The following PRIM2 variants were observed in gnomAD, a reference collection of about 807,000 sequenced individuals.
PRIM2 encodes the protein DNA primase subunit 2.
Under a neutral mutation model 67.3 loss-of-function variants are expected in PRIM2, and 39 were observed. The ratio of observed to expected loss-of-function variants is 0.58; its 90% CI spans 0.45 to 0.76. The LOEUF is 0.76. Ranked by LOEUF, PRIM2 falls within the 30% of genes least tolerant of loss-of-function variation. The pLI, the probability that PRIM2 is intolerant of heterozygous loss-of-function variation, is 0.00. For missense variants in PRIM2, 398 were observed against 598.7 expected, an observed-to-expected ratio of 0.66 and a Z score of 3.50; for synonymous variants, 143 against 198.7, an observed-to-expected ratio of 0.72 and a Z score of 2.36.
the PRIM2 span, among the ~76,000 whole-genome samples, chr6:57,226,570 T>G: frequency 6.6e-6 from 1 of 152,176 alleles, no homozygotes; most frequent in African/African-American, 2.4e-5. Flanking sequence ...ATTAGGTAAT[T>G]TGGATTATAT....
intron 7 of PRIM2, among the ~76,000 whole-genome samples, chr6:57,450,553 T>C (rs1478216105): frequency 6.6e-6 from 1 of 152,236 alleles, no homozygotes; most frequent in Non-Finnish European, 1.5e-5. Flanking sequence ...TTCAGTATGC[T>C]CTTGAGCTTC....
the PRIM2 span, among the ~76,000 whole-genome samples, chr6:57,305,012 T>G: frequency 2.0e-5 from 3 of 152,334 alleles, no homozygotes; most frequent in East Asian, 3.9e-4. Context: ...CTCTCAACAT[T>G]GATCTTCAAG....
intron 12 of PRIM2, among the ~76,000 whole-genome samples, chr6:57,624,075 G>A (rs1776903713): frequency 6.6e-6 from 1 of 152,060 alleles, no homozygotes; most frequent in South Asian, 2.1e-4. Context: ...AGATCATAGA[G>A]CATAGTGATT....
At chr6:57,489,230 A>G (rs1446720963) in intron 7 of PRIM2, among the ~76,000 whole-genome samples, 1 of 152,366 alleles carries the variant, frequency 6.6e-6, no homozygotes, top group South Asian at 2.1e-4. Context: ...ATTTGTTTGC[A>G]TTTTTAAGAG....
chr6:57,442,928 C>T (rs1160773604), intron 7 of PRIM2, among the ~76,000 whole-genome samples: 4 of 152,094 alleles, frequency 2.6e-5, no homozygotes, highest in Non-Finnish European at 5.9e-5. Flanking sequence ...TCATCATCTC[C>T]TTATAACTCC....
At chr6:57,474,225 A>C (rs1773415085) in intron 7 of PRIM2, among the ~76,000 whole-genome samples, 1 of 78,342 alleles carries the variant, frequency 1.3e-5, no homozygotes, top group African/African-American at 6.2e-5. Flanking sequence ...CCCAGGCTGG[A>C]GTGCAGTGGC....
chr6:57,274,315 G>A, the PRIM2 span, among the ~76,000 whole-genome samples: 2 of 151,960 alleles, frequency 1.3e-5, no homozygotes, highest in Non-Finnish European at 1.5e-5. Flanking sequence ...ACCTAATCAA[G>A]TCTCGGCAAT....
At chr6:57,565,747 G>A (rs1581993552) in intron 10 of PRIM2, among the ~76,000 whole-genome samples, 1 of 151,962 alleles carries the variant, frequency 6.6e-6, no homozygotes, top group Non-Finnish European at 1.5e-5. Flanking sequence ...TAGTCAAGTT[G>A]GCATGTGAAA....
chr6:57,429,010 T>C (rs1196502979), intron 7 of PRIM2, among the ~76,000 whole-genome samples: 2 of 152,250 alleles, frequency 1.3e-5, no homozygotes, highest in Non-Finnish European at 2.9e-5. Context: ...TTTTTCATGC[T>C]ATTCCTTTAT....
intron 5 of PRIM2, among the ~76,000 whole-genome samples, chr6:57,358,476 G>T (rs1049891669): frequency 1.3e-5 from 2 of 152,114 alleles, no homozygotes; most frequent in African/African-American, 4.8e-5. Context: ...GTGTATGCTG[G>T]GTGTCAGAAC....
At chr6:57,294,931 C>A in the PRIM2 span, among the ~76,000 whole-genome samples, 1 of 152,000 alleles carries the variant, frequency 6.6e-6, no homozygotes, top group Non-Finnish European at 1.5e-5. Context: ...CTGCCTCAGC[C>A]TCCCCAGTAG....
At chr6:57,237,803 G>A in the PRIM2 span, among the ~76,000 whole-genome samples, 3 of 152,272 alleles carry the variant, frequency 2.0e-5, no homozygotes, top group East Asian at 5.8e-4. Flanking sequence ...GTACCATGCT[G>A]TTTTGGTTAC....
At chr6:57,340,605 A>G (rs1329211347) in intron 5 of PRIM2, among the ~76,000 whole-genome samples, 6 of 152,114 alleles carry the variant, frequency 3.9e-5, no homozygotes, top group Non-Finnish European at 5.9e-5. Flanking sequence ...CTATCACAAG[A>G]ACAAAAAACC....
At chr6:57,333,027 T>G (rs1279774601) in intron 5 of PRIM2, among the ~76,000 whole-genome samples, 1 of 152,192 alleles carries the variant, frequency 6.6e-6, no homozygotes, top group Non-Finnish European at 1.5e-5. Flanking sequence ...TTTTACTGTA[T>G]TTTTTGAGTT....
At chr6:57,351,686 G>C (rs968075140) in intron 5 of PRIM2, among the ~76,000 whole-genome samples, 1 of 152,044 alleles carries the variant, frequency 6.6e-6, no homozygotes, top group Admixed American at 6.6e-5. Flanking sequence ...TAGTATATTT[G>C]ATGTGAAGAT....
At chr6:57,527,833 G>A (rs1297440431) in intron 8 of PRIM2, among the ~76,000 whole-genome samples, 2 of 152,202 alleles carry the variant, frequency 1.3e-5, no homozygotes, top group Non-Finnish European at 2.9e-5. Context: ...GTAGAGGAGA[G>A]ATGTCATTCC....
chr6:57,532,304 A>G (rs1774909176), intron 8 of PRIM2, 107 bp from the exon 9 acceptor site: 1 of 472,312 alleles, frequency 2.1e-6, no homozygotes. Context: ...GTTTACATGT[A>G]AAATGCTTTC....
chr6:57,639,865 T>C (rs1777198988), intron 13 of PRIM2, among the ~76,000 whole-genome samples: 1 of 149,574 alleles, frequency 6.7e-6, no homozygotes, highest in African/African-American at 2.5e-5. Flanking sequence ...AAAGAGGGAG[T>C]CCTCTCTAAC....
the PRIM2 span, among the ~76,000 whole-genome samples, chr6:57,304,686 C>T: frequency 0.84 from 127,442 of 152,002 alleles, 53,628 homozygotes; most frequent in East Asian, 0.99. Context: ...AGCATTTGAT[C>T]TGGGGCTGTT....
Sources: allele counts gnomAD v4.1 joint callset (sites outside exome capture counted in the v4.1 genomes callset), GRCh38; gene constraint gnomAD v4.1.1; transcripts MANE v1.5; gene names NCBI Gene and HGNC (gene_info 2026-07-23, HGNC 2026-07-21).